The following GLI3 variants were observed in gnomAD, a reference collection of about 807,000 sequenced individuals.
GLI3 encodes GLI family zinc finger 3, also known as transcription activator GLI3.
In GLI3, 20 loss-of-function variants were observed where a neutral mutation model predicts 100.8. The observed-to-expected ratio is 0.20, with a 90% confidence interval of 0.14 to 0.29. The LOEUF is 0.29. GLI3 is among the 10% of genes least tolerant of loss of function. The pLI is 1.00. For synonymous variants in GLI3, 938 were observed against 860.5 expected (o/e 1.09, Z -1.58); for missense variants, 2,040 against 2,128.5 (o/e 0.96, Z 0.82).
At chr7:41,989,506 G>T (rs534392287) in intron 10 of GLI3, among the ~76,000 whole-genome samples, 1 of 152,260 alleles carries the variant, frequency 6.6e-6, no homozygotes, top group African/African-American at 2.4e-5. Flanking sequence ...AAATGAATTT[G>T]TCACTCTTAT....
chr7:42,019,205 G>A (rs988148595), intron 10 of GLI3, among the ~76,000 whole-genome samples: 2 of 152,148 alleles, frequency 1.3e-5, no homozygotes, highest in African/African-American at 4.8e-5. Flanking sequence ...CCACTCAGCA[G>A]TAATGACTCC....
chr7:41,972,306 T>G lies in GLI3; in HGVS notation c.2103+31A>C. 6.2e-7 allele frequency: 1 copy of G among 1,605,164 alleles called. No homozygotes were observed. Among genetic ancestry groups the G allele is most frequent in the Non-Finnish European group, 8.5e-7 (1 of 1,172,420 alleles). On this transcript the variant is annotated intron_variant, in intron 13 of 14. Coordinates refer to ENST00000395925, the MANE Select transcript of GLI3 (RefSeq NM_000168.6). The surrounding 1 kb of genome is among the most constrained non-coding windows in gnomAD (Gnocchi z 4.4). ...ACCTGGCTCTTTTAAATGGGCCTGC[T>G]GTGAAGTCAGAAGGAGAGTGAATGA...
At chr7:41,999,505 C>T (rs912468001) in intron 10 of GLI3, among the ~76,000 whole-genome samples, 2 of 152,096 alleles carry the variant, frequency 1.3e-5, no homozygotes, top group Non-Finnish European at 2.9e-5. Flanking sequence ...TCAAAGTCAT[C>T]CAGGGTGGTT....
chr7:42,176,692 A>G (rs943060543), intron 2 of GLI3, among the ~76,000 whole-genome samples: 5 of 152,342 alleles, frequency 3.3e-5, no homozygotes, highest in African/African-American at 1.2e-4. Context: ...ATTCCCTCAA[A>G]GAAACTATTC....
In GLI3 at chr7:42,228,139, C is replaced by T. The variant is rs567947513; in HGVS notation, c.-42-4844G>A. Among the ~76,000 whole-genome samples, 285 of 152,174 alleles carry T rather than the reference C, an allele frequency of 1.9e-3. 1 individual carries two copies. Among genetic ancestry groups the T allele is most frequent in the African/African-American group, 6.5e-3 (271 of 41,548 alleles). ...CGGGCCCGCGCAGCGCTGTCTGCAGCCGCGTCGCCGCATCCATCATCATTA... is the reference window on the plus strand; with the variant it reads ...CGGGCCCGCGCAGCGCTGTCTGCAGTCGCGTCGCCGCATCCATCATCATTA... On this transcript the variant is annotated intron_variant, in intron 1 of 14. Coordinates refer to ENST00000395925, the MANE Select transcript of GLI3 (RefSeq NM_000168.6).
chr7:42,184,328 C>T (rs1294317776), intron 2 of GLI3, among the ~76,000 whole-genome samples: 5 of 152,206 alleles, frequency 3.3e-5, no homozygotes, highest in African/African-American at 7.2e-5. Context: ...AGGCCCCTGC[C>T]GCAGATCTCC....
At chr7:42,071,834 A>G (rs191260581) in intron 4 of GLI3, among the ~76,000 whole-genome samples, 1 of 152,266 alleles carries the variant, frequency 6.6e-6, no homozygotes, top group African/African-American at 2.4e-5. Context: ...CTCACAGCTG[A>G]TATTAATGAT....
chr7:42,068,247 C>T (rs1396362608), intron 4 of GLI3, among the ~76,000 whole-genome samples: 1 of 152,228 alleles, frequency 6.6e-6, no homozygotes, highest in East Asian at 1.9e-4. Flanking sequence ...TAAGTCAGCA[C>T]AGGAGGTAAA....
intron 10 of GLI3, among the ~76,000 whole-genome samples, chr7:41,992,642 C>T (rs1006756224): frequency 2.0e-5 from 3 of 151,884 alleles, no homozygotes; most frequent in Non-Finnish European, 4.4e-5. Flanking sequence ...AAAACAATGA[C>T]GAGACCGGTA....
rs142059678 is a variant in GLI3 at position 42,250,987 on chromosome 7, T to C, written c.-43+13007A>G. On this transcript the variant is annotated intron_variant, in intron 1 of 2. Transcript: ENST00000678978. Reference sequence around the variant, plus strand: ...ATCCGCCCATGTACTAGTCAGGAAGTATGAAAAAGCATGGTGGGGAGCTGG... The same window carrying C: ...ATCCGCCCATGTACTAGTCAGGAAGCATGAAAAAGCATGGTGGGGAGCTGG... Among the ~76,000 whole-genome samples the C allele has an allele frequency of 1.8e-4, 28 of 152,264 alleles. No homozygotes were observed. The East Asian group carries it at 5.2e-3, about 28-fold the overall frequency.
chr7:42,032,513 T>C (rs1364993327), intron 7 of GLI3, among the ~76,000 whole-genome samples: 1 of 152,180 alleles, frequency 6.6e-6, no homozygotes, highest in Non-Finnish European at 1.5e-5. Flanking sequence ...ACTATACATA[T>C]AGGCACTTCA....
In GLI3 at chr7:41,964,862, A is replaced by C; in HGVS notation, c.4211T>G (p.Leu1404Arg). Residue 1404 changes from leucine to arginine, a missense_variant, in exon 15 of 15, where the codon CTG (leucine) becomes CGG (arginine). By Grantham distance (102) the Leu-to-Arg change is moderately radical. Coordinates refer to ENST00000395925, the MANE Select transcript of GLI3 (RefSeq NM_000168.6). ...TGTGTCACTGAGCTGTCCTGACTGC[A>C]GAGCAAGGCTGTCCCTCGGCATAGC... is the stretch of plus-strand genomic sequence containing the variant. Reference protein sequence around the residue: ...RQAMPRDSLALQSGQLSDTSQ... With the variant: ...RQAMPRDSLARQSGQLSDTSQ... 1 of 1,613,936 alleles carries C rather than the reference A, an allele frequency of 6.2e-7. No individual in the cohort carries two copies. Among genetic ancestry groups the C allele is most frequent in the South Asian group, 1.1e-5 (1 of 91,080 alleles).
In GLI3 at chr7:42,008,889, A is replaced by G. The variant is rs113045172; in HGVS notation, c.1497+14579T>C. 6.2e-4 allele frequency among the ~76,000 whole-genome samples: 94 copies of G among 152,288 alleles called. 1 individual carries two copies. The highest frequency in any genetic ancestry group is 2.1e-3 in the African/African-American group (87 of 41,550). The stretch of plus-strand genomic sequence containing the variant: ...TTTTTAATCTCCTTAGAGCTATTTC[A>G]TGTTTTTTATTTTTCAAGATCTCTG... On this transcript the variant is annotated intron_variant, in intron 10 of 14. Transcript: ENST00000395925.
intron 3 of GLI3, among the ~76,000 whole-genome samples, chr7:42,138,696 G>A (rs1451339324): frequency 6.6e-6 from 1 of 152,154 alleles, no homozygotes; most frequent in African/African-American, 2.4e-5. Context: ...AAGAAGAGCT[G>A]GCATTTGCTT....
chr7:42,125,269 G>T (rs527664822), intron 3 of GLI3, among the ~76,000 whole-genome samples: 32 of 152,186 alleles, frequency 2.1e-4, no homozygotes, highest in Non-Finnish European at 3.5e-4. Context: ...GTCCCTGTCT[G>T]GGCCCTTGGA....
intron 2 of GLI3, among the ~76,000 whole-genome samples, chr7:42,182,445 A>T (rs958197959): frequency 5.3e-5 from 8 of 151,022 alleles, no homozygotes; most frequent in African/African-American, 1.5e-4. Context: ...AAAATTAAAA[A>T]AATAATAATA....
intron 3 of GLI3, among the ~76,000 whole-genome samples, chr7:42,111,436 G>C (rs1785704091): frequency 6.6e-6 from 1 of 152,060 alleles, no homozygotes; most frequent in Non-Finnish European, 1.5e-5. Flanking sequence ...GGTAATCTTG[G>C]GGGCATTTCA....
chr7:41,972,278 C>A lies in GLI3; in HGVS notation c.2103+59G>T. ...CGGGAAGTCCTGTCCCTCTATGCAC[C>A]CTACCTGGCTCTTTTAAATGGGCCT... On this transcript the variant is annotated intron_variant, in intron 13 of 14. Transcript: ENST00000395925. This position sits in a 1 kb window ranked among gnomAD's most constrained non-coding sequence, Gnocchi z 4.4. 35 of 1,515,970 alleles carry A rather than the reference C, an allele frequency of 2.3e-5. No individual in the cohort carries two copies. The highest frequency in any genetic ancestry group is 3.2e-5 in the Non-Finnish European group (35 of 1,092,128). The allele number at this position is 1,515,970 out of a possible 1,614,324, so 93.9% of individuals were successfully genotyped here. A position where few individuals can be genotyped will look rare whatever the true frequency, so the allele number is the denominator to read the frequency against.
Position 41,967,856 on chromosome 7 carries a change from G to A in GLI3, c.2171C>T (p.Ser724Phe), listed in dbSNP as rs2128707275. 3 of 1,614,156 alleles carry A rather than the reference G, an allele frequency of 1.9e-6. No individual in the cohort carries two copies. The highest frequency in any genetic ancestry group is 2.5e-6 in the Non-Finnish European group (3 of 1,180,020). ...CAGAGGAAGCTCGAGCCCACTGTTG[G>A]AATAGTTGCTGATGGGGGACTGTTG... ...SSQQSPISNY[S>F]NSGLELPLTD... is the part of the protein sequence containing the mutation. Residue 724 changes from serine (S) to phenylalanine (F), a missense_variant, in exon 14 of 15, where the codon TCC (serine) becomes TTC (phenylalanine). Physicochemically the swap from Ser to Phe is radical, Grantham distance 155. Around this residue, in one of 5 missense-constraint regions of GLI3, gnomAD observed 327 missense variants for 338.7 expected, o/e 0.97. Coordinates refer to ENST00000395925, the MANE Select transcript of GLI3 (RefSeq NM_000168.6).
Sources: gnomAD v4.1 joint callset for allele counts (sites outside exome capture counted in the v4.1 genomes callset) on GRCh38, gnomAD v4.1.1 for gene constraint, gnomAD v4.1.1 regional missense constraint, Gnocchi (gnomAD v3.1) non-coding constraint, MANE v1.5 for transcripts, NCBI Gene and HGNC (gene_info 2026-07-23, HGNC 2026-07-21) for gene names.